Variants in NOTCH4 observed in about 807,000 individuals in gnomAD.
NOTCH4 encodes neurogenic locus notch homolog protein 4.
A neutral mutation model predicts 189.0 loss-of-function variants in NOTCH4; 138 were observed. The observed-to-expected ratio is 0.73, with a 90% CI of 0.64 to 0.84. The LOEUF (loss-of-function observed/expected upper bound fraction) is 0.84. Among genes scored for constraint, NOTCH4 ranks in the 40% least tolerant of loss-of-function variants. The probability of loss-of-function intolerance (pLI) is 0.00; values close to 1 mark genes in which losing one functional copy is unlikely to be tolerated. For missense variants in NOTCH4, 2,286 were observed against 2,605.4 expected (o/e 0.88, Z 2.67); for synonymous variants, 942 against 1,032.8 (o/e 0.91, Z 1.69).
At chr6:32,222,921 C>T in intron 2 of NOTCH4, 84 bp downstream of exon 2, 1 of 1,555,434 alleles carries the variant, frequency 6.4e-7, no homozygotes, top group East Asian at 2.2e-5. Context: ...TCTCTTTCTT[C>T]TTTGGTCTCA....
In NOTCH4 at chr6:32,217,310, G is replaced by A. The variant is rs770288889; in HGVS notation, c.1625-44C>T. On this transcript the variant is annotated intron_variant, in intron 9 of 29. Coordinates refer to ENST00000375023, the MANE Select transcript of NOTCH4 (RefSeq NM_004557.4). The surrounding 1 kb of genome is among the most constrained non-coding windows in gnomAD (Gnocchi z 4.2). ...GTGGGGAGAGGAGGCCAAGGTCATC[G>A]AGGGAGGCACAGCATGGCGCCTTCC... 6 of 1,311,318 alleles carry A rather than the reference G, an allele frequency of 4.6e-6. No homozygotes were observed. The highest frequency in any genetic ancestry group is 1.4e-5 in the African/African-American group (1 of 69,220). 81.2% of individuals were successfully genotyped at this position (1,311,318 alleles called of 1,614,324 possible). A position where few individuals can be genotyped will look rare whatever the true frequency, so the allele number is the denominator to read the frequency against.
Position 32,223,768 on chromosome 6 carries a change from G to A in NOTCH4, c.73+88C>T, listed in dbSNP as rs987942150. On this transcript the variant is annotated intron_variant, in intron 1 of 29. Coordinates refer to ENST00000375023, the MANE Select transcript of NOTCH4 (RefSeq NM_004557.4). ...CTCCTCCATCCAGCATCCCTCACACGGCCTGGGGCTTGGCCCTCTTCCCCC... is the reference window on the plus strand; with the variant it reads ...CTCCTCCATCCAGCATCCCTCACACAGCCTGGGGCTTGGCCCTCTTCCCCC... 26 of 1,316,494 alleles carry A rather than the reference G, an allele frequency of 2.0e-5. 1 individual carries two copies. The South Asian group carries it at 2.0e-4, about 10-fold the overall frequency. 81.6% of individuals were successfully genotyped at this position (1,316,494 alleles called of 1,614,324 possible).
At chr6:32,206,800 A>T (rs1300175456) in intron 18 of NOTCH4, among the ~76,000 whole-genome samples, 1 of 152,148 alleles carries the variant, frequency 6.6e-6, no homozygotes, top group Non-Finnish European at 1.5e-5. Flanking sequence ...AAAATATACT[A>T]TAAAGCTATA....
At position 32,201,372 on chromosome 6, in the gene NOTCH4, G is replaced by T. The variant is rs1223240479; in HGVS notation, c.3884C>A (p.Pro1295His). 2 of 1,596,630 alleles carry T rather than the reference G, an allele frequency of 1.3e-6. No homozygotes were observed. Among genetic ancestry groups the T allele is most frequent in the East Asian group, 4.5e-5 (2 of 44,756 alleles). The change falls in exon 22 of 30, where the codon CCC becomes CAC. Residue 1295 changes from proline to histidine, a missense_variant. Physicochemically the swap from Pro to His is moderately conservative, Grantham distance 77. Around this residue, in one of 2 missense-constraint regions of NOTCH4, gnomAD observed 1,903 missense variants for 2,261.9 expected, o/e 0.84. Transcript: ENST00000375023. The surrounding 1 kb of genome is among the most constrained non-coding windows in gnomAD (Gnocchi z 5.5). ...RPEDGDPEWG[P>H]SLALLVVLSP... ...CAGTACCACCAGCAGGGCCAGGGAG[G>T]GCCCCCACTCTGGGTCCCCATCTTC...
In NOTCH4 at chr6:32,217,050, A is replaced by C; in HGVS notation, c.1756T>G (p.Cys586Gly). The C allele has an allele frequency of 1.9e-6, 3 of 1,613,102 alleles. No individual in the cohort carries two copies. Among genetic ancestry groups the C allele is most frequent in the Non-Finnish European group, 2.5e-6 (3 of 1,180,034 alleles). The part of the protein sequence containing the change: ...KCLPGFEGPR[C>G]QTEVDECLSD... ...AGGCACTCATCCACCTCTGTTTGACAGCGTGGCCCTTCAAAGCCTGTGGCA... is the reference window on the plus strand; with the variant it reads ...AGGCACTCATCCACCTCTGTTTGACCGCGTGGCCCTTCAAAGCCTGTGGCA... The change falls in exon 11 of 30, where the codon TGT becomes GGT. Residue 586 changes from cysteine to glycine, a missense_variant. Physicochemically the swap from Cys to Gly is radical, Grantham distance 159. Around this residue, in one of 2 missense-constraint regions of NOTCH4, gnomAD observed 1,903 missense variants for 2,261.9 expected, o/e 0.84. Coordinates refer to ENST00000375023, the MANE Select transcript of NOTCH4 (RefSeq NM_004557.4). This position sits in a 1 kb window ranked among gnomAD's most constrained non-coding sequence, Gnocchi z 4.2.
intron 8 of NOTCH4, among the ~76,000 whole-genome samples, 184 bp from the exon 9 acceptor site, chr6:32,218,292 C>T (rs1789542593): frequency 6.6e-6 from 1 of 152,214 alleles, no homozygotes; most frequent in South Asian, 2.1e-4. Flanking sequence ...GGCCCTGCTC[C>T]TTGAGGTGTG....
chr6:32,213,347 C>G (rs1789157005), intron 14 of NOTCH4, 95 bp from the exon 15 acceptor site: 1 of 762,810 alleles, frequency 1.3e-6, no homozygotes, highest in Non-Finnish European at 2.2e-6. Flanking sequence ...CCCCCCACCC[C>G]CATCAAAACG....
chr6:32,200,974 C>T lies in NOTCH4; in HGVS notation c.4172G>A (p.Arg1391His), dbSNP rs377716761. The T allele has an allele frequency of 8.2e-6, 13 of 1,590,340 alleles. No individual in the cohort carries two copies. Among genetic ancestry groups the T allele is most frequent in the African/African-American group, 2.7e-5 (2 of 74,476 alleles). The change falls in exon 23 of 30, where the codon CGC becomes CAC. Residue 1391 changes from arginine to histidine, a missense_variant. By Grantham distance (29) the Arg-to-His change is conservative. Around this residue, in one of 2 missense-constraint regions of NOTCH4, gnomAD observed 1,903 missense variants for 2,261.9 expected, o/e 0.84. Coordinates refer to ENST00000375023, the MANE Select transcript of NOTCH4 (RefSeq NM_004557.4). This position sits in a 1 kb window ranked among gnomAD's most constrained non-coding sequence, Gnocchi z 5.0. Reference protein sequence around the residue: ...FVVVMGVDLSRCGPDHPASRC... With the variant: ...FVVVMGVDLSHCGPDHPASRC... ...GGATGCCGGGTGGTCAGGGCCACAG[C>T]GGGACAAATCCACACCCATGACCAC...
rs1789667666 is a variant in NOTCH4 at position 32,220,263 on chromosome 6, T to A, written c.1181A>T (p.Asp394Val). Residue 394 changes from aspartate to valine, a missense_variant, in exon 7 of 30, where the codon GAC (aspartate) becomes GTC (valine). Transcript: ENST00000375023. Reference sequence around the variant, plus strand: ...ATGGCACGGCTGGCTCAGACACATGTCTTCCAAGTGGCACAGGAGTCCTGG... The same window carrying A: ...ATGGCACGGCTGGCTCAGACACATGACTTCCAAGTGGCACAGGAGTCCTGG... ...GRTGLLCHLE[D>V]MCLSQPCHGD... 7 of 1,613,296 alleles carry A rather than the reference T, an allele frequency of 4.3e-6. No individual in the cohort carries two copies. The highest frequency in any genetic ancestry group is 5.9e-6 in the Non-Finnish European group (7 of 1,179,668).
chr6:32,211,983 C>T (rs1357278273), intron 17 of NOTCH4, among the ~76,000 whole-genome samples: 4 of 152,188 alleles, frequency 2.6e-5, no homozygotes, highest in Non-Finnish European at 5.9e-5. Flanking sequence ...AATGTTCTCT[C>T]CCTGTGATTC....
chr6:32,218,238 G>T (rs1220008839), intron 8 of NOTCH4, 130 bp from the exon 9 acceptor site: 2 of 662,274 alleles, frequency 3.0e-6, no homozygotes, highest in African/African-American at 3.5e-5. Flanking sequence ...TCTGCATGGG[G>T]TTGAATAAGA....
rs780182328 is a variant in NOTCH4 at position 32,213,850 on chromosome 6, A to T, written c.2168-10T>A. On this transcript the variant is annotated splice_polypyrimidine_tract_variant and intron_variant, in intron 13 of 29. Transcript: ENST00000375023. ...TCACTACAGGTGGGTCCTGAAGGAAACAGGTGGGGGCTGAGAAAGGGTGTC... is the reference window on the plus strand; with the variant it reads ...TCACTACAGGTGGGTCCTGAAGGAATCAGGTGGGGGCTGAGAAAGGGTGTC... The T allele has an allele frequency of 6.2e-7, 1 of 1,611,428 alleles. No homozygotes were observed. Among genetic ancestry groups the T allele is most frequent in the Non-Finnish European group, 8.5e-7 (1 of 1,179,582 alleles).
In NOTCH4 at chr6:32,214,154, G is replaced by A. The variant is rs1469231360; in HGVS notation, c.2123C>T (p.Pro708Leu). Reference protein sequence around the residue: ...APCAHGGTCYPQPSGYNCTCP... With the variant: ...APCAHGGTCYLQPSGYNCTCP... Reference sequence around the variant, plus strand: ...GGTGCAGTTGTAGCCAGAGGGCTGGGGGTAGCAGGTCCCCCCATGGGCACA... The same window carrying A: ...GGTGCAGTTGTAGCCAGAGGGCTGGAGGTAGCAGGTCCCCCCATGGGCACA... Residue 708 changes from proline to leucine, a missense_variant, in exon 13 of 30, where the codon CCC becomes CTC. By Grantham distance (98) the Pro-to-Leu change is moderately conservative. This residue lies in a region of NOTCH4 where 1,903 missense variants were observed against 2,261.9 expected (regional missense o/e 0.84). Coordinates refer to ENST00000375023, the MANE Select transcript of NOTCH4 (RefSeq NM_004557.4). 1 of 1,613,504 alleles carries A rather than the reference G, an allele frequency of 6.2e-7. No individual in the cohort carries two copies. Among genetic ancestry groups the A allele is most frequent in the Non-Finnish European group, 8.5e-7 (1 of 1,179,816 alleles).
chr6:32,197,998 T>G (rs1252587350), intron 26 of NOTCH4, among the ~76,000 whole-genome samples: 1 of 152,110 alleles, frequency 6.6e-6, no homozygotes, highest in Non-Finnish European at 1.5e-5. Context: ...ATTTTTTGTA[T>G]TTTTAGTAGA....
At position 32,201,873 on chromosome 6, in the gene NOTCH4, C is replaced by A. The variant is rs1012296928; in HGVS notation, c.3755+203G>T. 2.5e-5 allele frequency: 11 copies of A among 446,712 alleles called. No homozygotes were observed. The highest frequency in any genetic ancestry group is 4.1e-5 in the Non-Finnish European group (11 of 266,934). 27.7% of individuals were successfully genotyped at this position (446,712 alleles called of 1,614,324 possible). A position where few individuals can be genotyped will look rare whatever the true frequency, so the allele number is the denominator to read the frequency against. On this transcript the variant is annotated intron_variant, in intron 21 of 29. Transcript: ENST00000375023. This position sits in a 1 kb window ranked among gnomAD's most constrained non-coding sequence, Gnocchi z 5.5. The stretch of plus-strand genomic sequence containing the variant: ...CTCTTAGAGAGGAGCCCAAAGGCCA[C>A]GCCCCACATTAAATACTGATGCCAC...
At chr6:32,219,972 GGA>G (rs1789646572) in intron 7 of NOTCH4, among the ~76,000 whole-genome samples, 155 bp downstream of exon 7, 1 of 152,220 alleles carries the variant, frequency 6.6e-6, no homozygotes, top group African/African-American at 2.4e-5. Flanking sequence ...GCTGAACATT[GGA>G]GAGAGGGTCA....
In NOTCH4 at chr6:32,202,601, T is replaced by G; in HGVS notation, c.3232-2A>C. The G allele has an allele frequency of 6.3e-7, 1 of 1,575,114 alleles. No individual in the cohort carries two copies. Among genetic ancestry groups the G allele is most frequent in the Non-Finnish European group, 8.6e-7 (1 of 1,157,084 alleles). On this transcript the variant is annotated splice_acceptor_variant, in intron 20 of 29. Transcript: ENST00000375023. LOFTEE classifies it high-confidence loss of function. The surrounding 1 kb of genome is among the most constrained non-coding windows in gnomAD (Gnocchi z 5.7). Reference sequence around the variant, plus strand: ...GCTGCAGGTGGGGCCTTCAAAACCCTGTGGAGGGGAGGGGAGATATTGGAG... The same window carrying G: ...GCTGCAGGTGGGGCCTTCAAAACCCGGTGGAGGGGAGGGGAGATATTGGAG...
Position 32,223,040 on chromosome 6 carries a change from G to A in NOTCH4, c.120C>T (p.Thr40=). 1 of 1,613,850 alleles carries A rather than the reference G, an allele frequency of 6.2e-7. No individual in the cohort carries two copies. The highest frequency in any genetic ancestry group is 2.2e-5 in the East Asian group (1 of 44,858). Residue 40 remains threonine (T), a synonymous_variant, in exon 2 of 30, where the codon ACC becomes ACT. Coordinates refer to ENST00000375023, the MANE Select transcript of NOTCH4 (RefSeq NM_004557.4). Reference sequence around the variant, plus strand: ...CTTGTCCCAGAGACAGGCTCAGGCAGGTGCCTCCATTGGCACAGGGTTCTG... The same window carrying A: ...CTTGTCCCAGAGACAGGCTCAGGCAAGTGCCTCCATTGGCACAGGGTTCTG... ...SFPEPCANGG[T]CLSLSLGQGT...
chr6:32,200,878 G>A lies in NOTCH4; in HGVS notation c.4268C>T (p.Pro1423Leu). The A allele has an allele frequency of 6.2e-7, 1 of 1,608,914 alleles. No homozygotes were observed. The change falls in exon 23 of 30, where the codon CCC becomes CTC. Residue 1423 changes from proline (P) to leucine (L), a missense_variant. Physicochemically the swap from Pro to Leu is moderately conservative, Grantham distance 98. This residue lies in a region of NOTCH4 where 1,903 missense variants were observed against 2,261.9 expected (regional missense o/e 0.84). Transcript: ENST00000375023. This position sits in a 1 kb window ranked among gnomAD's most constrained non-coding sequence, Gnocchi z 5.0. The stretch of plus-strand genomic sequence containing the variant: ...AGCCAGCAGTGGTCCAGGCAGCAGG[G>A]GCTCCAGGGCTCCCACTGCAGCCAT... ...AAMAAVGALE[P>L]LLPGPLLAVH...
Sources: allele counts gnomAD v4.1 joint callset (sites outside exome capture counted in the v4.1 genomes callset), GRCh38; gene constraint gnomAD v4.1.1; regional missense constraint gnomAD v4.1.1; non-coding constraint Gnocchi (gnomAD v3.1); transcripts MANE v1.5; gene names NCBI Gene and HGNC (gene_info 2026-07-23, HGNC 2026-07-21).